The following PRKCB variants were observed in gnomAD, a reference collection of about 807,000 sequenced individuals.
PRKCB encodes protein kinase C beta type.
In PRKCB, 13 loss-of-function variants were observed where a neutral mutation model predicts 81.5. The ratio of observed to expected loss-of-function variants is 0.16; its 90% CI spans 0.10 to 0.25. PRKCB has a LOEUF of 0.25. PRKCB is among the 10% of genes least tolerant of loss of function. PRKCB has a pLI of 1.00. For synonymous variants in PRKCB, 335 were observed against 321.4 expected, an observed-to-expected ratio of 1.04 and a Z score of -0.45; for missense variants, 509 against 875.7, an observed-to-expected ratio of 0.58 and a Z score of 5.29.
chr16:23,925,954 T>A (rs757661171), intron 2 of PRKCB, among the ~76,000 whole-genome samples: 3 of 151,854 alleles, frequency 2.0e-5, no homozygotes, highest in Admixed American at 1.3e-4. Context: ...AGATAATGGC[T>A]TTGGGTTCCA....
chr16:24,041,507 TAAAG>T (rs1431138788), intron 5 of PRKCB, among the ~76,000 whole-genome samples: 1 of 151,418 alleles, frequency 6.6e-6, no homozygotes, highest in Non-Finnish European at 1.5e-5. Flanking sequence ...GGAGTGTTCT[TAAAG>T]AAAGCAGAAA....
chr16:23,930,136 G>A (rs919022833), intron 2 of PRKCB, among the ~76,000 whole-genome samples: 2 of 152,134 alleles, frequency 1.3e-5, no homozygotes, highest in Non-Finnish European at 2.9e-5. Context: ...TCTGGGGGAA[G>A]ATAACACCTT....
At chr16:23,903,918 G>A (rs1427322900) in intron 2 of PRKCB, among the ~76,000 whole-genome samples, 2 of 152,124 alleles carry the variant, frequency 1.3e-5, no homozygotes, top group Non-Finnish European at 2.9e-5. Context: ...TGTCTGCAAC[G>A]ACGCTGGCAC....
chr16:24,119,798 C>CT (rs1433016661), intron 8 of PRKCB, among the ~76,000 whole-genome samples: 3 of 152,186 alleles, frequency 2.0e-5, no homozygotes, highest in African/African-American at 7.2e-5. Context: ...CCCCAAATCT[C>CT]TGTCTCCAGT....
intron 7 of PRKCB, 39 bp downstream of exon 7, chr16:24,094,336 G>T (rs750947254): frequency 1.6e-5 from 26 of 1,603,776 alleles, no homozygotes; most frequent in Non-Finnish European, 2.2e-5. Context: ...CATACAGCTT[G>T]CTCCATCAAA....
At chr16:24,210,393 C>T (rs573543312) in intron 16 of PRKCB, among the ~76,000 whole-genome samples, 2 of 152,220 alleles carry the variant, frequency 1.3e-5, no homozygotes, top group Admixed American at 6.5e-5. Context: ...CCTTTCCTCC[C>T]GACATCCAAA....
chr16:24,065,510 A>G (rs762486056), intron 5 of PRKCB, among the ~76,000 whole-genome samples: 8 of 152,284 alleles, frequency 5.3e-5, no homozygotes, highest in South Asian at 4.1e-4. Flanking sequence ...TACCATACAC[A>G]TTGTAATTTT....
In PRKCB at chr16:23,885,786, C is replaced by T. The variant is rs1219961320; in HGVS notation, c.205+48380C>T. ...TGCTGGAAAATATATATTTCAGACA[C>T]GAGGAAGCTGGCGGGGAAATATTTT... On this transcript the variant is annotated intron_variant, in intron 2 of 16. Transcript: ENST00000643927. 3.9e-5 allele frequency among the ~76,000 whole-genome samples: 6 copies of T among 152,244 alleles called. No individual in the cohort carries two copies. In the Middle Eastern group the frequency reaches 0.014, roughly 345 times the overall value.
At chr16:23,939,787 G>A (rs1964114397) in intron 2 of PRKCB, among the ~76,000 whole-genome samples, 1 of 152,074 alleles carries the variant, frequency 6.6e-6, no homozygotes, top group South Asian at 2.1e-4. Flanking sequence ...TGGAATCTAG[G>A]GTCAGGGAAA....
chr16:24,053,721 G>A (rs1965869957), intron 5 of PRKCB, among the ~76,000 whole-genome samples: 2 of 152,278 alleles, frequency 1.3e-5, no homozygotes, highest in South Asian at 4.1e-4. Flanking sequence ...TGGCAGAAGA[G>A]CATTCCAGGC....
At chr16:23,851,170 G>T (rs1381609013) in intron 2 of PRKCB, among the ~76,000 whole-genome samples, 3 of 152,120 alleles carry the variant, frequency 2.0e-5, no homozygotes. Context: ...CCAAACCAAT[G>T]TTGTGGAGTT....
intron 5 of PRKCB, among the ~76,000 whole-genome samples, chr16:24,075,597 G>A (rs80329709): frequency 0.03 from 4,493 of 152,226 alleles, 92 homozygotes; most frequent in Non-Finnish European, 0.041. Context: ...TGGAATTCAG[G>A]ATCTGTTTAA....
intron 5 of PRKCB, among the ~76,000 whole-genome samples, chr16:24,076,257 T>G (rs566052206): frequency 6.6e-6 from 1 of 152,298 alleles, no homozygotes; most frequent in Non-Finnish European, 1.5e-5. Context: ...CCAATTGGGA[T>G]TTGGACTCAG....
intron 2 of PRKCB, among the ~76,000 whole-genome samples, chr16:23,870,321 A>C (rs1962883362): frequency 6.6e-6 from 1 of 152,184 alleles, no homozygotes; most frequent in Non-Finnish European, 1.5e-5. Flanking sequence ...TGTTCATTAC[A>C]ATGGGGGGTG....
intron 2 of PRKCB, among the ~76,000 whole-genome samples, chr16:23,862,888 T>C (rs1468096591): frequency 6.6e-6 from 1 of 152,042 alleles, no homozygotes; most frequent in Non-Finnish European, 1.5e-5. Flanking sequence ...TGATAATGTT[T>C]ACTAAACAGA....
intron 2 of PRKCB, among the ~76,000 whole-genome samples, chr16:23,862,926 C>G (rs1021548703): frequency 6.6e-6 from 1 of 150,720 alleles, no homozygotes; most frequent in African/African-American, 2.5e-5. Context: ...CCAGCTATCC[C>G]GATATCTTGA....
At chr16:24,207,561 T>A (rs936644473) in intron 16 of PRKCB, among the ~76,000 whole-genome samples, 2 of 152,254 alleles carry the variant, frequency 1.3e-5, no homozygotes, top group Non-Finnish European at 2.9e-5. Context: ...TGTCATTTAA[T>A]ATTCTTCTAC....
At chr16:23,917,829 G>A (rs764414636) in intron 2 of PRKCB, among the ~76,000 whole-genome samples, 10 of 152,174 alleles carry the variant, frequency 6.6e-5, no homozygotes, top group Non-Finnish European at 1.0e-4. Flanking sequence ...AAGTGATCTC[G>A]TAAAGCTGAC....
intron 10 of PRKCB, among the ~76,000 whole-genome samples, chr16:24,155,884 G>A (rs1237303607): frequency 6.6e-6 from 1 of 152,154 alleles, no homozygotes; most frequent in Non-Finnish European, 1.5e-5. Flanking sequence ...TCTGTCTTCT[G>A]TATTTCGTGC....
Sources: allele counts gnomAD v4.1 joint callset (sites outside exome capture counted in the v4.1 genomes callset), GRCh38; gene constraint gnomAD v4.1.1; transcripts MANE v1.5; gene names NCBI Gene and HGNC (gene_info 2026-07-23, HGNC 2026-07-21).